Variants in KIF5B observed in about 807,000 individuals in gnomAD.
KIF5B encodes kinesin-1 heavy chain.
In KIF5B, 49 loss-of-function variants were observed where a neutral mutation model predicts 132.8. That is an observed-to-expected ratio of 0.37 (90% CI 0.29 to 0.47). The LOEUF is 0.47. Among genes scored for constraint, KIF5B ranks in the 20% least tolerant of loss-of-function variants. KIF5B has a pLI of 1.00. For missense variants in KIF5B, 780 were observed against 1,144.0 expected (o/e 0.68, Z 4.59); for synonymous variants, 355 against 369.4 (o/e 0.96, Z 0.45).
chr10:32,041,133 G>A (rs1841531714), intron 2 of KIF5B, among the ~76,000 whole-genome samples: 4 of 139,330 alleles, frequency 2.9e-5, no homozygotes, highest in Non-Finnish European at 4.6e-5. Flanking sequence ...GTGACACAGT[G>A]AGACTCTGTC....
intron 1 of KIF5B, among the ~76,000 whole-genome samples, chr10:32,051,087 A>ATCT (rs1266497901): frequency 6.6e-6 from 1 of 152,242 alleles, no homozygotes; most frequent in Non-Finnish European, 1.5e-5. Flanking sequence ...AAGGCCAGAT[A>ATCT]AAAACCTGAA....
In KIF5B at chr10:32,035,973, CT is replaced by C; in HGVS notation, c.732del (p.Gly245ValfsTer38). 1 of 1,604,352 alleles carries C rather than the reference CT, an allele frequency of 6.2e-7. No homozygotes were observed. The highest frequency in any genetic ancestry group is 8.5e-7 in the Non-Finnish European group (1 of 1,175,198). ...GSEKVSKTGAEGAVLDEAKNI... is the reference protein window; with the variant it reads ...GSEKVSKTGAXGAVLDEAKNI... ...TTTTTAGCTTCATCCAGCACAGCAC[CT>C]TCAGCTCCAGTTTTACTAACCTATA... On this transcript the variant is annotated frameshift_variant, in exon 9 of 26. Coordinates refer to ENST00000302418, the MANE Select transcript of KIF5B (RefSeq NM_004521.3). LOFTEE classifies it high-confidence loss of function.
In KIF5B at chr10:32,038,186, T is replaced by C. The variant is rs952041298; in HGVS notation, c.475A>G (p.Lys159Glu). Residue 159 changes from lysine to glutamate, a missense_variant, in exon 6 of 26, where the codon AAA (lysine) becomes GAA (glutamate). Transcript: ENST00000302418. ...SKTNLSVHED[K>E]NRVPYVKGCT... ...ACCTTTACATAGGGAACTCGGTTTT[T>C]GTCTTCATGAACTGAAAGGTTGGTC... 1 of 1,607,696 alleles carries C rather than the reference T, an allele frequency of 6.2e-7. No homozygotes were observed. Among genetic ancestry groups the C allele is most frequent in the Non-Finnish European group, 8.5e-7 (1 of 1,174,652 alleles).
rs1403563223 is a variant in KIF5B, at chr10:32,031,349, C to T, written c.1375-70G>A. The T allele has an allele frequency of 1.0e-5, 12 of 1,194,418 alleles. No homozygotes were observed. In the South Asian group the frequency reaches 1.4e-4, roughly 14 times the overall value. The allele number at this position is 1,194,418 out of a possible 1,614,324, so 74.0% of individuals were successfully genotyped here. Reference sequence around the variant, plus strand: ...TTTAAAAAACACCCATGAAGCTTCACCATTTGTCAAGAACAAATGGAGTGA... The same window carrying T: ...TTTAAAAAACACCCATGAAGCTTCATCATTTGTCAAGAACAAATGGAGTGA... On this transcript the variant is annotated intron_variant, in intron 13 of 25. Coordinates refer to ENST00000302418, the MANE Select transcript of KIF5B (RefSeq NM_004521.3).
chr10:32,028,291 G>T, intron 15 of KIF5B, 137 bp downstream of exon 15: 1 of 633,014 alleles, frequency 1.6e-6, no homozygotes, highest in East Asian at 2.9e-5. Context: ...TTTAAAATGC[G>T]GTTAATAACA....
At chr10:32,055,777 C>T in intron 1 of KIF5B, 71 bp downstream of exon 1, 1 of 1,573,452 alleles carries the variant, frequency 6.4e-7, no homozygotes, top group Non-Finnish European at 8.6e-7. Flanking sequence ...TGCACCCTGC[C>T]ACTTCCCTAA....
rs1841764707 is a variant in KIF5B at position 32,056,351 on chromosome 10, A to T, written c.-378T>A. On this transcript the variant is annotated 5_prime_UTR_variant, in exon 1 of 26. Transcript: ENST00000302418. ...TCCTCGCGAAGAGCAGGCCGGGCCTACCCGTCCGCCCGCTCTGCCGTCCGC... is the reference window on the plus strand; with the variant it reads ...TCCTCGCGAAGAGCAGGCCGGGCCTTCCCGTCCGCCCGCTCTGCCGTCCGC... 4.3e-6 allele frequency: 1 copy of T among 232,714 alleles called. No individual in the cohort carries two copies. Among genetic ancestry groups the T allele is most frequent in the Non-Finnish European group, 8.5e-6 (1 of 117,460 alleles). 14.4% of individuals were successfully genotyped at this position (232,714 alleles called of 1,614,324 possible).
intron 15 of KIF5B, among the ~76,000 whole-genome samples, 178 bp downstream of exon 15, chr10:32,028,250 T>G (rs1234088978): frequency 6.6e-6 from 1 of 152,210 alleles, no homozygotes; most frequent in African/African-American, 2.4e-5. Context: ...CCTATTTGGG[T>G]GCCCTTATTC....
At position 32,039,982 on chromosome 10, in the gene KIF5B, T is replaced by C. The variant is rs1264436086; in HGVS notation, c.288+402A>G. On this transcript the variant is annotated intron_variant, in intron 3 of 25. Coordinates refer to ENST00000302418, the MANE Select transcript of KIF5B (RefSeq NM_004521.3). ...TTATTAACAGCAGCACTGATAATTATGGCAACATTCTTATCAGAGAAGAGT... is the reference window on the plus strand; with the variant it reads ...TTATTAACAGCAGCACTGATAATTACGGCAACATTCTTATCAGAGAAGAGT... Among the ~76,000 whole-genome samples the C allele has an allele frequency of 2.0e-5, 3 of 152,216 alleles. No homozygotes were observed. The East Asian group carries it at 5.8e-4, about 29-fold the overall frequency.
rs377300626 is a variant in KIF5B, at chr10:32,012,895, T to C, written c.*21-1379A>G. The stretch of plus-strand genomic sequence containing the variant: ...GTGTGCTGGGTAACATCTTAACTCA[T>C]GTAATTTTTTTTTTTTTTTTTTTGA... On this transcript the variant is annotated intron_variant, in intron 25 of 25. Coordinates refer to ENST00000302418, the MANE Select transcript of KIF5B (RefSeq NM_004521.3). 1.3e-4 allele frequency among the ~76,000 whole-genome samples: 19 copies of C among 149,822 alleles called. No individual in the cohort carries two copies. The East Asian group carries it at 2.1e-3, about 17-fold the overall frequency.
chr10:32,049,405 C>T (rs543760104), intron 1 of KIF5B, among the ~76,000 whole-genome samples: 9 of 152,228 alleles, frequency 5.9e-5, no homozygotes, highest in South Asian at 2.1e-4. Flanking sequence ...CTGAAAAATA[C>T]GCAGCAACTA....
chr10:32,037,606 C>G lies in KIF5B; in HGVS notation c.500G>C (p.Gly167Ala). 3 of 1,602,898 alleles carry G rather than the reference C, an allele frequency of 1.9e-6. No homozygotes were observed. The highest frequency in any genetic ancestry group is 2.6e-6 in the Non-Finnish European group (3 of 1,170,964). The change falls in exon 7 of 26, where the codon GGG becomes GCG. Residue 167 changes from glycine to alanine, a missense_variant and splice_region_variant. Gly to Ala is a moderately conservative substitution (Grantham distance 60, BLOSUM62 0). Coordinates refer to ENST00000302418, the MANE Select transcript of KIF5B (RefSeq NM_004521.3). ...EDKNRVPYVKGCTERFVCSPD... is the reference protein window; with the variant it reads ...EDKNRVPYVKACTERFVCSPD... ...ACTACATACAAAACGCTCTGTGCAC[C>G]CCTGTGAAATAATTTTTAAAAATAT...
chr10:32,043,370 T>C (rs2132610692), intron 2 of KIF5B, among the ~76,000 whole-genome samples: 3 of 152,288 alleles, frequency 2.0e-5, no homozygotes, highest in Middle Eastern at 6.8e-3. Context: ...TTAAATAACT[T>C]GCCTGTAACT....
At chr10:32,029,698 A>G (rs1265525360) in intron 14 of KIF5B, among the ~76,000 whole-genome samples, 1 of 152,214 alleles carries the variant, frequency 6.6e-6, no homozygotes, top group Non-Finnish European at 1.5e-5. Context: ...TCCTATTATC[A>G]ATGTAATGCT....
In KIF5B at chr10:32,056,016, C is replaced by T. The variant is rs1841758133; in HGVS notation, c.-43G>A. On this transcript the variant is annotated 5_prime_UTR_variant, in exon 1 of 26. Coordinates refer to ENST00000302418, the MANE Select transcript of KIF5B (RefSeq NM_004521.3). ...CCGGCGGCCGGGAGCCACTCCCCGC[C>T]GCTCAGTCTTGCAGGGAACGCGCCG... The T allele has an allele frequency of 6.3e-7, 1 of 1,598,224 alleles. No homozygotes were observed. The highest frequency in any genetic ancestry group is 8.5e-7 in the Non-Finnish European group (1 of 1,179,208).
chr10:32,024,075 AAAC>A (rs1391822227), intron 15 of KIF5B, among the ~76,000 whole-genome samples: 3 of 148,936 alleles, frequency 2.0e-5, no homozygotes, highest in South Asian at 2.1e-4. Flanking sequence ...AAAAAAAAAA[AAAC>A]AAGACACAGA....
At chr10:32,038,280 T>C in intron 5 of KIF5B, 62 bp from the exon 6 acceptor site, 1 of 1,132,762 alleles carries the variant, frequency 8.8e-7, no homozygotes. Flanking sequence ...GGATATGAAA[T>C]AACTGATAGG....
At chr10:32,014,549 AAGAG>A (rs150457811) in intron 25 of KIF5B, among the ~76,000 whole-genome samples, 2,908 of 149,918 alleles carry the variant, frequency 0.019, 81 homozygotes, top group African/African-American at 0.062. Context: ...AAGCTCCAGA[AAGAG>A]AGAGAGAGAG....
chr10:32,028,984 C>A (rs1841365721), intron 14 of KIF5B, among the ~76,000 whole-genome samples: 1 of 152,262 alleles, frequency 6.6e-6, no homozygotes, highest in African/African-American at 2.4e-5. Flanking sequence ...AGTATGCTTT[C>A]TTCATCTACT....
Sources: allele counts gnomAD v4.1 joint callset (sites outside exome capture counted in the v4.1 genomes callset), GRCh38; gene constraint gnomAD v4.1.1; transcripts MANE v1.5; gene names NCBI Gene and HGNC (gene_info 2026-07-23, HGNC 2026-07-21).